The following CACHD1 variants were observed in gnomAD, a reference collection of about 807,000 sequenced individuals.
CACHD1 encodes the protein VWFA and cache domain-containing protein 1.
Under a neutral mutation model 138.7 loss-of-function variants are expected in CACHD1, and 71 were observed. The ratio of observed to expected loss-of-function variants is 0.51; its 90% CI spans 0.42 to 0.62. The LOEUF is 0.62. Ranked by LOEUF, CACHD1 falls within the 20% of genes least tolerant of loss-of-function variation. The pLI, the probability that CACHD1 is intolerant of heterozygous loss-of-function variation, is 0.00. For missense variants in CACHD1, 1,389 were observed against 1,625.3 expected, an observed-to-expected ratio of 0.85 and a Z score of 2.50; for synonymous variants, 578 against 591.5, an observed-to-expected ratio of 0.98 and a Z score of 0.33.
intron 1 of CACHD1, among the ~76,000 whole-genome samples, chr1:64,526,192 G>A (rs1220545816): frequency 6.6e-6 from 1 of 152,132 alleles, no homozygotes; most frequent in Non-Finnish European, 1.5e-5. Flanking sequence ...AAATATGACT[G>A]TGTAAGCTGT....
At chr1:64,545,279 C>T (rs1228244104) in intron 1 of CACHD1, among the ~76,000 whole-genome samples, 1 of 152,200 alleles carries the variant, frequency 6.6e-6, no homozygotes, top group Non-Finnish European at 1.5e-5. Flanking sequence ...TTGATGAATT[C>T]TCACAAAAGT....
chr1:64,634,130 G>T lies in CACHD1; in HGVS notation c.876G>T (p.Glu292Asp). 6.2e-7 allele frequency: 1 copy of T among 1,613,432 alleles called. No homozygotes were observed. Among genetic ancestry groups the T allele is most frequent in the Non-Finnish European group, 8.5e-7 (1 of 1,179,884 alleles). Reference protein sequence around the residue: ...YKTFLSPATSETKRKMSTFVS... With the variant: ...YKTFLSPATSDTKRKMSTFVS... ...CCTTCTTGTCTCCAGCCACCAGTGA[G>T]ACAAAAAGGAAAATGTCCACCTTTG... Residue 292 changes from glutamate (E) to aspartate (D), a missense_variant, in exon 7 of 27, where the codon GAG becomes GAT. Glu to Asp is a conservative substitution (Grantham distance 45). Transcript: ENST00000651257.
intron 2 of CACHD1, among the ~76,000 whole-genome samples, chr1:64,580,328 T>G (rs1260967530): frequency 6.6e-6 from 1 of 152,206 alleles, no homozygotes; most frequent in Non-Finnish European, 1.5e-5. Context: ...TGGGATAATT[T>G]ACTGATTTTT....
chr1:64,613,886 G>A (rs1310947281), intron 4 of CACHD1, among the ~76,000 whole-genome samples: 1 of 152,020 alleles, frequency 6.6e-6, no homozygotes, highest in Non-Finnish European at 1.5e-5. Flanking sequence ...CTCCAGACCT[G>A]GTCTATTTCT....
chr1:64,527,905 G>A (rs1646553240), intron 1 of CACHD1, among the ~76,000 whole-genome samples: 1 of 152,254 alleles, frequency 6.6e-6, no homozygotes, highest in African/African-American at 2.4e-5. Context: ...TTGTCATTTT[G>A]TGTTGCTAAC....
chr1:64,615,876 T>C (rs1570419503), intron 4 of CACHD1, among the ~76,000 whole-genome samples: 1 of 152,312 alleles, frequency 6.6e-6, no homozygotes, highest in Non-Finnish European at 1.5e-5. Context: ...GTCCGTTCCT[T>C]CTTAGTACCT....
Position 64,641,922 on chromosome 1 carries a change from G to T in CACHD1, c.1109G>T (p.Ser370Ile). 1.9e-6 allele frequency: 3 copies of T among 1,606,864 alleles called. No individual in the cohort carries two copies. The highest frequency in any genetic ancestry group is 2.5e-6 in the Non-Finnish European group (3 of 1,177,486). The change falls in exon 8 of 27, where the codon AGC becomes ATC. Residue 370 changes from serine to isoleucine, a missense_variant. By Grantham distance (142) the Ser-to-Ile change is moderately radical. Coordinates refer to ENST00000651257, the MANE Select transcript of CACHD1 (RefSeq NM_020925.4). ...CTCCAAGTCATCAATGAAGAAAATA[G>T]CTTTCTAAACAACTCTGTAATGATT... ...ATLQVINEEN[S>I]FLNNSVMILT...
At position 64,682,082 on chromosome 1, in the gene CACHD1, C is replaced by T; in HGVS notation, c.3562C>T (p.Arg1188Ter). The T allele has an allele frequency of 6.2e-7, 1 of 1,614,000 alleles. No homozygotes were observed. The highest frequency in any genetic ancestry group is 8.5e-7 in the Non-Finnish European group (1 of 1,179,984). Reference protein sequence around the residue: ...SPERRRRYWGRSGTESDHGYS... With the variant: ...SPERRRRYWG ...AGAAAGAAGGCGCCGCTACTGGGGT[C>T]GATCAGGAACAGAAAGTGATCATGG... The change falls in exon 26 of 27, where the codon CGA becomes TGA. Residue 1188 changes from arginine to a stop codon, truncating the protein, a stop_gained. Coordinates refer to ENST00000651257, the MANE Select transcript of CACHD1 (RefSeq NM_020925.4). LOFTEE classifies it high-confidence loss of function.
intron 10 of CACHD1, among the ~76,000 whole-genome samples, chr1:64,653,291 A>G (rs1437648297): frequency 6.6e-6 from 1 of 151,676 alleles, no homozygotes; most frequent in Non-Finnish European, 1.5e-5. Context: ...TATGCTTAGT[A>G]CCTGGGTCAC....
At chr1:64,648,210 A>G (rs1057000398) in intron 9 of CACHD1, among the ~76,000 whole-genome samples, 176 bp downstream of exon 9, 2 of 152,164 alleles carry the variant, frequency 1.3e-5, no homozygotes, top group African/African-American at 2.4e-5. Flanking sequence ...TGGCCATAGT[A>G]CACATAATGG....
At chr1:64,601,417 G>T (rs967113208) in intron 3 of CACHD1, among the ~76,000 whole-genome samples, 2 of 152,198 alleles carry the variant, frequency 1.3e-5, no homozygotes, top group Non-Finnish European at 2.9e-5. Context: ...TAGACAAACT[G>T]GAGCAGGTCC....
At chr1:64,689,201 A>G (rs1386793203) in intron 26 of CACHD1, among the ~76,000 whole-genome samples, 1 of 152,160 alleles carries the variant, frequency 6.6e-6, no homozygotes, top group Non-Finnish European at 1.5e-5. Flanking sequence ...TTCTGCCCTG[A>G]ATTTGCAGAT....
intron 2 of CACHD1, among the ~76,000 whole-genome samples, chr1:64,556,171 G>A (rs1228205308): frequency 6.6e-6 from 1 of 152,194 alleles, no homozygotes; most frequent in Non-Finnish European, 1.5e-5. Context: ...AAAGCAGGGT[G>A]TGACATGGGC....
rs141945187 is a variant in CACHD1 at position 64,589,488 on chromosome 1, G to A, written c.410+7184G>A. On this transcript the variant is annotated intron_variant, in intron 3 of 26. Transcript: ENST00000651257. Reference sequence around the variant, plus strand: ...GAACCAATAGCGTGTGTGTGTGTGCGTGCGTGTGTGTGTGTACATACAGAG... The same window carrying A: ...GAACCAATAGCGTGTGTGTGTGTGCATGCGTGTGTGTGTGTACATACAGAG... Among the ~76,000 whole-genome samples, 130 of 152,024 alleles carry A rather than the reference G, an allele frequency of 8.6e-4. No homozygotes were observed. In the South Asian group the frequency reaches 0.013, roughly 16 times the overall value.
chr1:64,576,903 G>GT (rs201315669), intron 2 of CACHD1, among the ~76,000 whole-genome samples: 21,645 of 147,676 alleles, frequency 0.15, 1,662 homozygotes, highest in Admixed American at 0.21. Flanking sequence ...GGGTTTGTTT[G>GT]TTTGTTTTTT....
intron 1 of CACHD1, among the ~76,000 whole-genome samples, chr1:64,490,359 A>T (rs1205539402): frequency 8.3e-6 from 1 of 120,708 alleles, no homozygotes; most frequent in African/African-American, 2.5e-5. Flanking sequence ...TCGTTAATAG[A>T]AAACATTCAT....
At chr1:64,568,473 G>A (rs1646900948) in intron 2 of CACHD1, among the ~76,000 whole-genome samples, 1 of 152,076 alleles carries the variant, frequency 6.6e-6, no homozygotes, top group Non-Finnish European at 1.5e-5. Flanking sequence ...TTGGAGTACT[G>A]TTCAGCTAGG....
At position 64,647,896 on chromosome 1, in the gene CACHD1, G is replaced by A. The variant is rs777882935; in HGVS notation, c.1252G>A (p.Val418Met). ...TGTGCCAGACCGGATGGCCTTGCCTGTGATTAAGGGCAGCATGATGGTGCT... is the reference window on the plus strand; with the variant it reads ...TGTGCCAGACCGGATGGCCTTGCCTATGATTAAGGGCAGCATGATGGTGCT... Reference protein sequence around the residue: ...YGVPDRMALPVIKGSMMVLNQ... With the variant: ...YGVPDRMALPMIKGSMMVLNQ... Residue 418 changes from valine (V) to methionine (M), a missense_variant, in exon 9 of 27, where the codon GTG becomes ATG. Physicochemically the swap from Val to Met is conservative, Grantham distance 21. Coordinates refer to ENST00000651257, the MANE Select transcript of CACHD1 (RefSeq NM_020925.4). The A allele has an allele frequency of 1.9e-6, 3 of 1,614,014 alleles. 1 individual carries two copies. In the South Asian group the frequency reaches 3.3e-5, roughly 18 times the overall value.
chr1:64,543,280 G>A (rs2100433685), intron 1 of CACHD1, among the ~76,000 whole-genome samples: 1 of 151,342 alleles, frequency 6.6e-6, no homozygotes, highest in Non-Finnish European at 1.5e-5. Context: ...CAAAGGCCAG[G>A]CATGGCGGCT....
Sources: allele counts gnomAD v4.1 joint callset (sites outside exome capture counted in the v4.1 genomes callset), GRCh38; gene constraint gnomAD v4.1.1; transcripts MANE v1.5; gene names NCBI Gene and HGNC (gene_info 2026-07-23, HGNC 2026-07-21).